Variants in UBE2D3 observed in about 807,000 individuals in gnomAD.
UBE2D3 encodes ubiquitin-conjugating enzyme E2 D3.
Under a neutral mutation model 22.8 loss-of-function variants are expected in UBE2D3, and 2 were observed. The ratio of observed to expected loss-of-function variants is 0.09; its 90% CI spans 0.04 to 0.28. The LOEUF is 0.28. Ranked by LOEUF, UBE2D3 falls within the 10% of genes least tolerant of loss-of-function variation. UBE2D3 has a pLI of 1.00. For missense variants in UBE2D3, 27 were observed against 182.5 expected, an observed-to-expected ratio of 0.15 and a Z score of 4.91; for synonymous variants, 56 against 60.4, an observed-to-expected ratio of 0.93 and a Z score of 0.34.
intron 6 of UBE2D3, among the ~76,000 whole-genome samples, chr4:102,800,447 C>T (rs369944061): frequency 1.2e-4 from 19 of 152,002 alleles, no homozygotes; most frequent in Middle Eastern, 3.4e-3. Flanking sequence ...GTTGCTTTAA[C>T]GACAAAACAA....
At chr4:102,834,181 C>CT (rs1001962853) in intron 1 of UBE2D3, among the ~76,000 whole-genome samples, 1 of 152,188 alleles carries the variant, frequency 6.6e-6, no homozygotes, top group African/African-American at 2.4e-5. Context: ...AGTAAGCTTT[C>CT]TTTTTCCCCC....
intron 1 of UBE2D3, among the ~76,000 whole-genome samples, chr4:102,847,796 A>T (rs1236463750): frequency 6.6e-6 from 1 of 151,892 alleles, no homozygotes; most frequent in Admixed American, 6.6e-5. Context: ...GGTGTGTGCC[A>T]CCATGCGCAG....
chr4:102,866,549 A>T (rs575144591), intron 1 of UBE2D3, among the ~76,000 whole-genome samples: 2 of 152,218 alleles, frequency 1.3e-5, no homozygotes, highest in African/African-American at 4.8e-5. Flanking sequence ...GCATTTTACT[A>T]TATCTTTAAA....
intron 5 of UBE2D3, 26 bp from the exon 6 acceptor site, chr4:102,801,585 T>C: frequency 6.5e-7 from 1 of 1,531,876 alleles, no homozygotes. Context: ...TTAAGTATTT[T>C]ATTCAAATAA....
chr4:102,861,229 T>C (rs557605372), intron 1 of UBE2D3, among the ~76,000 whole-genome samples: 3 of 151,988 alleles, frequency 2.0e-5, no homozygotes, highest in East Asian at 3.9e-4. Flanking sequence ...TGAAACTGTT[T>C]TTCTTACCCT....
At chr4:102,844,881 G>C (rs1351263149) in intron 1 of UBE2D3, among the ~76,000 whole-genome samples, 1 of 151,966 alleles carries the variant, frequency 6.6e-6, no homozygotes, top group Admixed American at 6.6e-5. Context: ...ATTTACCTAG[G>C]CATGGTGGTG....
Position 102,826,765 on chromosome 4 carries a change from T to A in UBE2D3, c.-128-129A>T, listed in dbSNP as rs961030134. On this transcript the variant is annotated intron_variant, in intron 1 of 7. Transcript: ENST00000453744. ...GTGGCAAAGCCACCAACAGCCTCTG[T>A]ACCGTGCTTTCGGCCCGAAGTGGGG... 2.3e-6 allele frequency: 3 copies of A among 1,308,598 alleles called. No homozygotes were observed. The East Asian group carries it at 9.5e-5, about 41-fold the overall frequency. The allele number at this position is 1,308,598 out of a possible 1,614,324, so 81.1% of individuals were successfully genotyped here. A position where few individuals can be genotyped will look rare whatever the true frequency, so the allele number is the denominator to read the frequency against.
At position 102,844,978 on chromosome 4, in the gene UBE2D3, C is replaced by T. The variant is rs371567656; in HGVS notation, c.-128-18342G>A. On this transcript the variant is annotated intron_variant, in intron 1 of 7. Coordinates refer to the UBE2D3 transcript ENST00000338145. Reference sequence around the variant, plus strand: ...CGGGGCTTGCAGTGAGCCGAGATCGCGCCACTGCACTCCAGCCTGGGCGAC... The same window carrying T: ...CGGGGCTTGCAGTGAGCCGAGATCGTGCCACTGCACTCCAGCCTGGGCGAC... Among the ~76,000 whole-genome samples the T allele has an allele frequency of 9.5e-4, 141 of 148,824 alleles. 1 individual carries two copies. Among genetic ancestry groups the T allele is most frequent in the African/African-American group, 3.4e-3 (136 of 40,226 alleles).
chr4:102,832,678 G>A (rs1363049265), intron 1 of UBE2D3, among the ~76,000 whole-genome samples: 2 of 152,090 alleles, frequency 1.3e-5, no homozygotes, highest in African/African-American at 2.4e-5. Context: ...TTGGGGGCGG[G>A]GGGAATTCTC....
At chr4:102,865,967 G>A (rs935680534) in intron 1 of UBE2D3, among the ~76,000 whole-genome samples, 4 of 152,142 alleles carry the variant, frequency 2.6e-5, no homozygotes, top group African/African-American at 9.7e-5. Context: ...GCATAAGGTG[G>A]TCAGATAAGC....
intron 1 of UBE2D3, among the ~76,000 whole-genome samples, chr4:102,834,769 C>CTTTTT (rs1229110359): frequency 7.0e-6 from 1 of 143,324 alleles, no homozygotes. Flanking sequence ...AAAGATTCAA[C>CTTTTT]TTTTTTTTTT....
At chr4:102,848,696 A>G (rs947400755) in intron 1 of UBE2D3, among the ~76,000 whole-genome samples, 4 of 152,002 alleles carry the variant, frequency 2.6e-5, no homozygotes, top group African/African-American at 4.8e-5. Context: ...GTGCACGCCT[A>G]TAGTCCCAGC....
At chr4:102,823,813 C>T (rs1730010758) in intron 2 of UBE2D3, among the ~76,000 whole-genome samples, 1 of 152,142 alleles carries the variant, frequency 6.6e-6, no homozygotes, top group African/African-American at 2.4e-5. Context: ...TTCAAAAGCT[C>T]GATCAAATGG....
At chr4:102,823,267 G>T (rs2110325676) in intron 2 of UBE2D3, among the ~76,000 whole-genome samples, 1 of 152,218 alleles carries the variant, frequency 6.6e-6, no homozygotes, top group African/African-American at 2.4e-5. Context: ...GGCTGCCTAG[G>T]TTCTAATCCC....
chr4:102,842,122 A>G (rs536679336), intron 1 of UBE2D3, among the ~76,000 whole-genome samples: 2 of 152,226 alleles, frequency 1.3e-5, no homozygotes, highest in Admixed American at 1.3e-4. Context: ...TTGAGTTTCA[A>G]GTCCCTAAGT....
chr4:102,860,953 G>T (rs1732870001), intron 1 of UBE2D3, among the ~76,000 whole-genome samples: 1 of 151,926 alleles, frequency 6.6e-6, no homozygotes, highest in South Asian at 2.1e-4. Context: ...TCCACATCTA[G>T]CTCTGAAGAA....
At chr4:102,845,611 A>C (rs527242751) in intron 1 of UBE2D3, among the ~76,000 whole-genome samples, 1 of 152,084 alleles carries the variant, frequency 6.6e-6, no homozygotes, top group East Asian at 1.9e-4. Context: ...AAACCACAAG[A>C]ATTTTTCCAC....
chr4:102,817,360 C>T (rs1219095845), intron 2 of UBE2D3, among the ~76,000 whole-genome samples: 1 of 152,166 alleles, frequency 6.6e-6, no homozygotes, highest in African/African-American at 2.4e-5. Context: ...CAGTCGTACA[C>T]CACAAGTGTT....
At chr4:102,827,241 G>A (rs1460082774) in intron 1 of UBE2D3, 186 bp downstream of exon 1, 14 of 973,572 alleles carry the variant, frequency 1.4e-5, no homozygotes, top group Admixed American at 1.2e-4. Context: ...TTAGGCGCGA[G>A]GACGCGCCCA....
Sources: gnomAD v4.1 joint callset for allele counts (sites outside exome capture counted in the v4.1 genomes callset) on GRCh38, gnomAD v4.1.1 for gene constraint, MANE v1.5 for transcripts, NCBI Gene and HGNC (gene_info 2026-07-23, HGNC 2026-07-21) for gene names.